ZBTB20: variants seen among roughly 807,000 people sequenced by gnomAD.
ZBTB20 encodes zinc finger and BTB domain containing 20.
Under a neutral mutation model 56.9 loss-of-function variants are expected in ZBTB20, and 9 were observed. The ratio of observed to expected loss-of-function variants is 0.16; its 90% CI spans 0.10 to 0.28. ZBTB20 has a LOEUF of 0.28. Ranked by LOEUF, ZBTB20 falls within the 10% of genes least tolerant of loss-of-function variation. The pLI, the probability that ZBTB20 is intolerant of heterozygous loss-of-function variation, is 1.00. For missense variants in ZBTB20, 655 were observed against 1,003.0 expected (o/e 0.65, Z 4.69); for synonymous variants, 417 against 420.7 (o/e 0.99, Z 0.11).
intron 7 of ZBTB20, among the ~76,000 whole-genome samples, chr3:114,389,515 T>A (rs563417213): frequency 8.4e-4 from 128 of 152,070 alleles, no homozygotes; most frequent in African/African-American, 3.0e-3. Flanking sequence ...TATTCACACA[T>A]AAAAATTGTA....
intron 6 of ZBTB20, among the ~76,000 whole-genome samples, chr3:114,572,878 AT>A (rs2053587471): frequency 6.6e-6 from 1 of 152,210 alleles, no homozygotes; most frequent in African/African-American, 2.4e-5. Flanking sequence ...CCGAGATTCT[AT>A]TCTTGAAATG....
intron 1 of ZBTB20, among the ~76,000 whole-genome samples, chr3:115,080,871 A>T (rs2082772064): frequency 6.6e-6 from 1 of 152,210 alleles, no homozygotes; most frequent in African/African-American, 2.4e-5. Flanking sequence ...TAATGGTAGA[A>T]GCAGGGAGGG....
At chr3:115,092,098 CCT>C (rs1388034013) in intron 1 of ZBTB20, among the ~76,000 whole-genome samples, 2 of 151,822 alleles carry the variant, frequency 1.3e-5, no homozygotes, top group Admixed American at 1.3e-4. Flanking sequence ...TTTTATATAC[CCT>C]GATAGGAGAA....
chr3:114,844,301 T>C lies in ZBTB20; in HGVS notation c.-416-43127A>G, dbSNP rs13316558. 5.1e-4 allele frequency among the ~76,000 whole-genome samples: 72 copies of C among 141,434 alleles called. 1 individual carries two copies. Among genetic ancestry groups the C allele is most frequent in the South Asian group, 8.7e-4 (4 of 4,576 alleles). 92.8% of individuals were successfully genotyped at this position (141,434 alleles called of 152,430 possible). A position where few individuals can be genotyped will look rare whatever the true frequency, so the allele number is the denominator to read the frequency against. ...ACTGTGTAGTGATGGAAAATAGATC[T>C]ATGGTTGCATAAGAAAATTACTGGA... On this transcript the variant is annotated intron_variant, in intron 4 of 11. Transcript: ENST00000675478.
intron 3 of ZBTB20, among the ~76,000 whole-genome samples, chr3:114,948,741 T>C (rs2076968713): frequency 6.8e-6 from 1 of 146,044 alleles, no homozygotes; most frequent in Non-Finnish European, 1.5e-5. Flanking sequence ...CATTAAAAAA[T>C]CTAATTGTAG....
intron 2 of ZBTB20, among the ~76,000 whole-genome samples, chr3:114,990,096 A>C (rs908100395): frequency 5.3e-5 from 8 of 151,958 alleles, no homozygotes; most frequent in South Asian, 2.1e-4. Context: ...CCCTGTATTT[A>C]TTTCTCCTGC....
At chr3:115,068,631 G>C (rs1200493311) in intron 2 of ZBTB20, among the ~76,000 whole-genome samples, 2 of 152,000 alleles carry the variant, frequency 1.3e-5, no homozygotes, top group Non-Finnish European at 2.9e-5. Context: ...CTTCACGACA[G>C]GTAAAGATAG....
At chr3:114,665,933 GTTTA>G (rs1374857379) in intron 6 of ZBTB20, among the ~76,000 whole-genome samples, 2 of 151,968 alleles carry the variant, frequency 1.3e-5, no homozygotes, top group Non-Finnish European at 2.9e-5. Context: ...GTTTACCTTT[GTTTA>G]TTTATTGGGC....
At chr3:114,859,572 G>T (rs1433842736) in intron 4 of ZBTB20, among the ~76,000 whole-genome samples, 17 of 116,610 alleles carry the variant, frequency 1.5e-4, no homozygotes, top group African/African-American at 4.6e-4. Flanking sequence ...TTCTTATGGC[G>T]TTTTTTTTTT....
intron 2 of ZBTB20, among the ~76,000 whole-genome samples, chr3:115,051,625 T>C (rs910213058): frequency 1.3e-5 from 2 of 152,194 alleles, no homozygotes; most frequent in African/African-American, 4.8e-5. Context: ...GAGAAATCAT[T>C]CTAGAAATGC....
At chr3:114,678,930 A>C (rs1470920590) in intron 6 of ZBTB20, among the ~76,000 whole-genome samples, 2 of 152,228 alleles carry the variant, frequency 1.3e-5, no homozygotes, top group South Asian at 4.1e-4. Flanking sequence ...CAGAAGTAAG[A>C]AAATAAAGTG....
intron 4 of ZBTB20, among the ~76,000 whole-genome samples, chr3:114,865,942 C>A (rs890812955): frequency 6.6e-6 from 1 of 152,068 alleles, no homozygotes; most frequent in African/African-American, 2.4e-5. Flanking sequence ...ATGAGATAGC[C>A]AAGATTTGAA....
At chr3:114,644,092 C>A (rs2059707215) in intron 6 of ZBTB20, among the ~76,000 whole-genome samples, 2 of 151,542 alleles carry the variant, frequency 1.3e-5, no homozygotes, top group Admixed American at 1.3e-4. Flanking sequence ...GGAAAAAAGC[C>A]ATGATAGTAA....
intron 5 of ZBTB20, among the ~76,000 whole-genome samples, chr3:114,746,119 T>C (rs2067020283): frequency 6.6e-6 from 1 of 152,196 alleles, no homozygotes; most frequent in Admixed American, 6.5e-5. Context: ...GCTGATCAGA[T>C]TGCCCTGGGC....
At chr3:114,807,792 A>G (rs2072226987) in intron 4 of ZBTB20, among the ~76,000 whole-genome samples, 1 of 152,090 alleles carries the variant, frequency 6.6e-6, no homozygotes, top group African/African-American at 2.4e-5. Context: ...GCTATATTGC[A>G]TTAATTAATT....
chr3:114,806,001 C>CA (rs2072076931), intron 4 of ZBTB20, among the ~76,000 whole-genome samples: 1 of 151,810 alleles, frequency 6.6e-6, no homozygotes, highest in Non-Finnish European at 1.5e-5. Flanking sequence ...ATGCATCAGC[C>CA]AATGGACATC....
At chr3:114,983,371 G>A (rs1043370950) in intron 2 of ZBTB20, among the ~76,000 whole-genome samples, 1 of 151,762 alleles carries the variant, frequency 6.6e-6, no homozygotes, top group Non-Finnish European at 1.5e-5. Flanking sequence ...ATTTTAACTC[G>A]AGAAATGCCA....
At chr3:114,850,978 TA>T (rs1381806977) in intron 4 of ZBTB20, among the ~76,000 whole-genome samples, 10 of 152,170 alleles carry the variant, frequency 6.6e-5, no homozygotes, top group Non-Finnish European at 1.0e-4. Context: ...CTGCATATTT[TA>T]AGGAAGCAAT....
intron 7 of ZBTB20, among the ~76,000 whole-genome samples, chr3:114,454,091 A>AGAGAGAGGGAGAGG (rs1491314326): frequency 2.0e-5 from 3 of 150,622 alleles, no homozygotes; most frequent in African/African-American, 7.3e-5. Flanking sequence ...GAAAAAAAGA[A>AGAGAGAGGGAGAGG]GAGAGAGGGA....
Sources: allele counts gnomAD v4.1 joint callset (sites outside exome capture counted in the v4.1 genomes callset), GRCh38; gene constraint gnomAD v4.1.1; transcripts MANE v1.5; gene names NCBI Gene and HGNC (gene_info 2026-07-23, HGNC 2026-07-21).